ANKS1B: variants seen among roughly 807,000 people sequenced by gnomAD.
ANKS1B encodes the protein ankyrin repeat and sterile alpha motif domain containing 1B.
ANKS1B carries 36 observed loss-of-function variants against 148.3 expected under a neutral mutation model. The ratio of observed to expected loss-of-function variants is 0.24; its 90% CI spans 0.19 to 0.32. ANKS1B has a LOEUF of 0.32. Ranked by LOEUF, ANKS1B falls within the 10% of genes least tolerant of loss-of-function variation. The pLI is 1.00. For synonymous variants in ANKS1B, 542 were observed against 560.8 expected, an observed-to-expected ratio of 0.97 and a Z score of 0.47; for missense variants, 1,157 against 1,542.6, an observed-to-expected ratio of 0.75 and a Z score of 4.19.
chr12:98,965,662 A>G (rs1365523428), intron 17 of ANKS1B, among the ~76,000 whole-genome samples: 3 of 152,236 alleles, frequency 2.0e-5, no homozygotes, highest in South Asian at 4.1e-4. Context: ...ACAAGGCTAC[A>G]GTAACCAAAA....
chr12:99,756,574 T>A (rs2061590335), intron 8 of ANKS1B, among the ~76,000 whole-genome samples: 1 of 152,012 alleles, frequency 6.6e-6, no homozygotes, highest in Non-Finnish European at 1.5e-5. Context: ...AGAAAAAAAC[T>A]ACTTTAAAAT....
chr12:99,190,372 C>T (rs1042497944), intron 14 of ANKS1B, among the ~76,000 whole-genome samples: 4 of 152,080 alleles, frequency 2.6e-5, no homozygotes, highest in Non-Finnish European at 4.4e-5. Context: ...CAAAAAAGAG[C>T]CCATATATCC....
chr12:99,398,668 G>A (rs535650788), intron 12 of ANKS1B, among the ~76,000 whole-genome samples: 1 of 152,252 alleles, frequency 6.6e-6, no homozygotes, highest in Non-Finnish European at 1.5e-5. Context: ...GCTGCCTGCT[G>A]TAACCTGAAA....
At chr12:98,938,429 T>C (rs904974564) in intron 17 of ANKS1B, among the ~76,000 whole-genome samples, 1 of 152,134 alleles carries the variant, frequency 6.6e-6, no homozygotes, top group African/African-American at 2.4e-5. Context: ...TTTGATTCAA[T>C]TGGTATGGGA....
rs550083600 is a variant in ANKS1B at position 99,978,762 on chromosome 12, C to G, written c.134+5342G>C. 2.9e-4 allele frequency among the ~76,000 whole-genome samples: 44 copies of G among 152,244 alleles called. No homozygotes were observed. The East Asian group carries it at 8.5e-3, about 29-fold the overall frequency. ...CTAAATCTGAAAAATTATAAGCTCT[C>G]TGGTTTTTATGTTTTTGGTGACCAG... On this transcript the variant is annotated intron_variant, in intron 1 of 26. Transcript: ENST00000683438.
At chr12:99,921,682 T>C (rs1019626872) in intron 1 of ANKS1B, among the ~76,000 whole-genome samples, 2 of 152,052 alleles carry the variant, frequency 1.3e-5, no homozygotes, top group Non-Finnish European at 2.9e-5. Context: ...AAAATCTGTT[T>C]TGGAGATAAA....
At chr12:99,227,398 A>G (rs2086121371) in intron 14 of ANKS1B, among the ~76,000 whole-genome samples, 1 of 152,226 alleles carries the variant, frequency 6.6e-6, no homozygotes, top group East Asian at 1.9e-4. Context: ...CCGTGAGCCA[A>G]TTAAACCTCT....
chr12:99,046,335 C>T (rs1476287822), intron 17 of ANKS1B, among the ~76,000 whole-genome samples: 1 of 151,744 alleles, frequency 6.6e-6, no homozygotes, highest in African/African-American at 2.4e-5. Context: ...ATAAAAATTA[C>T]CAGACATGCA....
intron 1 of ANKS1B, among the ~76,000 whole-genome samples, chr12:99,936,825 T>C (rs1469662956): frequency 6.6e-6 from 1 of 152,172 alleles, no homozygotes; most frequent in Non-Finnish European, 1.5e-5. Context: ...TATTCAATGG[T>C]TATATAGCTT....
At chr12:98,878,229 A>G (rs1260524283) in intron 17 of ANKS1B, among the ~76,000 whole-genome samples, 3 of 139,066 alleles carry the variant, frequency 2.2e-5, no homozygotes, top group Admixed American at 7.1e-5. Flanking sequence ...ATGAAAGATG[A>G]AAAAAAAAAA....
At chr12:99,105,698 G>A (rs906124876) in intron 15 of ANKS1B, among the ~76,000 whole-genome samples, 3 of 148,470 alleles carry the variant, frequency 2.0e-5, no homozygotes, top group African/African-American at 7.4e-5. Flanking sequence ...GAACTCGGGA[G>A]GCAGGGCTTG....
At chr12:98,955,150 T>C (rs2099860160) in intron 17 of ANKS1B, among the ~76,000 whole-genome samples, 1 of 152,178 alleles carries the variant, frequency 6.6e-6, no homozygotes, top group African/African-American at 2.4e-5. Flanking sequence ...TAAGAGGAAT[T>C]TATACTTAGA....
chr12:99,413,268 A>C (rs2094779853), intron 11 of ANKS1B, among the ~76,000 whole-genome samples: 1 of 152,188 alleles, frequency 6.6e-6, no homozygotes. Flanking sequence ...GCTGAAATTA[A>C]AGTTAAGTGG....
intron 8 of ANKS1B, among the ~76,000 whole-genome samples, chr12:99,747,368 C>T (rs1221592556): frequency 6.6e-6 from 1 of 152,026 alleles, no homozygotes; most frequent in Non-Finnish European, 1.5e-5. Context: ...CTATAGCCAC[C>T]AAGTCTTGTA....
intron 17 of ANKS1B, among the ~76,000 whole-genome samples, chr12:98,833,197 C>T (rs1028251852): frequency 6.6e-6 from 1 of 152,182 alleles, no homozygotes; most frequent in African/African-American, 2.4e-5. Flanking sequence ...ACTTCTCTAT[C>T]TGGAAGGAGT....
intron 11 of ANKS1B, among the ~76,000 whole-genome samples, chr12:99,418,422 A>G (rs1056873186): frequency 2.6e-5 from 4 of 152,116 alleles, no homozygotes; most frequent in Non-Finnish European, 5.9e-5. Context: ...ATTTCTGTGT[A>G]TATATGTTCA....
At chr12:99,902,403 C>T (rs1212938856) in intron 1 of ANKS1B, among the ~76,000 whole-genome samples, 1 of 152,164 alleles carries the variant, frequency 6.6e-6, no homozygotes, top group Non-Finnish European at 1.5e-5. Context: ...AGAAGCCAGA[C>T]TGTGCTGAGC....
chr12:99,018,820 G>A (rs2099944058), intron 17 of ANKS1B, among the ~76,000 whole-genome samples: 1 of 152,178 alleles, frequency 6.6e-6, no homozygotes, highest in Non-Finnish European at 1.5e-5. Context: ...GAGGGCACCT[G>A]TAATCCCAGC....
At chr12:98,865,473 A>G (rs1347524638) in intron 17 of ANKS1B, among the ~76,000 whole-genome samples, 5 of 152,228 alleles carry the variant, frequency 3.3e-5, no homozygotes, top group African/African-American at 1.2e-4. Flanking sequence ...AGCTTGGGAT[A>G]TAAGAGTGGA....
Sources: gnomAD v4.1 joint callset for allele counts (sites outside exome capture counted in the v4.1 genomes callset) on GRCh38, gnomAD v4.1.1 for gene constraint, MANE v1.5 for transcripts, NCBI Gene and HGNC (gene_info 2026-07-23, HGNC 2026-07-21) for gene names.